MEGF10: variants seen among roughly 807,000 people sequenced by gnomAD.
MEGF10 encodes the protein multiple epidermal growth factor-like domains protein 10.
MEGF10 carries 86 observed loss-of-function variants against 147.5 expected under a neutral mutation model. The ratio of observed to expected loss-of-function variants is 0.58; its 90% CI spans 0.49 to 0.70. The LOEUF (loss-of-function observed/expected upper bound fraction) is 0.70. Among genes scored for constraint, MEGF10 ranks in the 30% least tolerant of loss-of-function variants. The probability of loss-of-function intolerance (pLI) is 0.00; values close to 1 mark genes in which losing one functional copy is unlikely to be tolerated. For synonymous variants in MEGF10, 478 were observed against 525.5 expected, an observed-to-expected ratio of 0.91 and a Z score of 1.24; for missense variants, 1,329 against 1,487.3, an observed-to-expected ratio of 0.89 and a Z score of 1.75.
chr5:127,301,024 A>G (rs1037650023), intron 1 of MEGF10, among the ~76,000 whole-genome samples: 8 of 152,198 alleles, frequency 5.3e-5, no homozygotes, highest in Non-Finnish European at 1.2e-4. Flanking sequence ...TGGATTATGG[A>G]TGTTTTCCTG....
chr5:127,264,556 T>A, the MEGF10 span, among the ~76,000 whole-genome samples: 6 of 151,998 alleles, frequency 3.9e-5, no homozygotes, highest in African/African-American at 1.5e-4. Context: ...AAAATGGAAC[T>A]CCTTCTCTCT....
At chr5:127,392,090 C>G (rs527719226) in intron 5 of MEGF10, among the ~76,000 whole-genome samples, 1 of 152,158 alleles carries the variant, frequency 6.6e-6, no homozygotes, top group Non-Finnish European at 1.5e-5. Context: ...CATCTTAGAT[C>G]GGTTCTCAAA....
intron 7 of MEGF10, among the ~76,000 whole-genome samples, chr5:127,399,999 CA>C (rs1764063733): frequency 6.6e-6 from 1 of 152,194 alleles, no homozygotes; most frequent in Non-Finnish European, 1.5e-5. Context: ...TCTCTTTGGG[CA>C]ATGCCCAAGC....
At chr5:127,317,459 A>C (rs896205409) in intron 1 of MEGF10, among the ~76,000 whole-genome samples, 1 of 152,204 alleles carries the variant, frequency 6.6e-6, no homozygotes, top group African/African-American at 2.4e-5. Flanking sequence ...TTTAGGTCTA[A>C]CATTTAATCC....
At chr5:127,416,094 C>T (rs1214243580) in intron 9 of MEGF10, among the ~76,000 whole-genome samples, 1 of 151,600 alleles carries the variant, frequency 6.6e-6, no homozygotes, top group African/African-American at 2.4e-5. Context: ...GTGGCGTGAT[C>T]TTGGCTCACT....
At chr5:127,322,483 T>G (rs960721951) in intron 1 of MEGF10, among the ~76,000 whole-genome samples, 4 of 152,212 alleles carry the variant, frequency 2.6e-5, no homozygotes, top group African/African-American at 9.6e-5. Flanking sequence ...CCCCATTCAC[T>G]GGTTGTAAGT....
chr5:127,337,054 C>T (rs914102909), intron 2 of MEGF10, among the ~76,000 whole-genome samples: 11 of 152,016 alleles, frequency 7.2e-5, no homozygotes, highest in South Asian at 2.1e-4. Flanking sequence ...TGAGTTTATT[C>T]GGGCGCAAAA....
chr5:127,293,409 A>G (rs775366158), intron 1 of MEGF10, among the ~76,000 whole-genome samples: 1 of 152,232 alleles, frequency 6.6e-6, no homozygotes, highest in Non-Finnish European at 1.5e-5. Flanking sequence ...AGAGTGAACT[A>G]TGAGAAATTG....
chr5:127,283,610 C>T, the MEGF10 span, among the ~76,000 whole-genome samples: 1 of 152,192 alleles, frequency 6.6e-6, no homozygotes, highest in Non-Finnish European at 1.5e-5. Context: ...TAGAACTTTG[C>T]TTCTCAAAGT....
At chr5:127,311,985 G>T (rs1760307161) in intron 1 of MEGF10, among the ~76,000 whole-genome samples, 1 of 152,140 alleles carries the variant, frequency 6.6e-6, no homozygotes, top group Non-Finnish European at 1.5e-5. Context: ...AATTACCGCA[G>T]GAGCTAGGAA....
intron 2 of MEGF10, among the ~76,000 whole-genome samples, chr5:127,336,660 A>G (rs1344337772): frequency 6.6e-6 from 1 of 152,154 alleles, no homozygotes; most frequent in Non-Finnish European, 1.5e-5. Flanking sequence ...TCCAAGGCAC[A>G]CGGACTTGAA....
the MEGF10 span, among the ~76,000 whole-genome samples, chr5:127,278,474 G>C: frequency 2.9e-4 from 44 of 152,172 alleles, no homozygotes; most frequent in Middle Eastern, 3.2e-3. Flanking sequence ...AGCTGTAGGA[G>C]GAGAACCAAA....
At chr5:127,388,951 C>T (rs978796568) in intron 5 of MEGF10, among the ~76,000 whole-genome samples, 1 of 152,178 alleles carries the variant, frequency 6.6e-6, no homozygotes, top group African/African-American at 2.4e-5. Flanking sequence ...AAGCCTTACT[C>T]AGTGAATCAT....
At chr5:127,271,165 T>A in the MEGF10 span, among the ~76,000 whole-genome samples, 1 of 152,216 alleles carries the variant, frequency 6.6e-6, no homozygotes, top group Non-Finnish European at 1.5e-5. Context: ...TTGAACTAAT[T>A]TACACTCCTA....
chr5:127,299,797 AGGGAAAGCCTTTTCTGGACGTGAT>A (rs1336590719), intron 1 of MEGF10, among the ~76,000 whole-genome samples: 3 of 151,534 alleles, frequency 2.0e-5, no homozygotes, highest in African/African-American at 7.3e-5. Flanking sequence ...GAGGCAGAAC[AGGGAAAGCCTTTTCTGGACGTGAT>A]GGGTTCTGGA....
In MEGF10 at chr5:127,421,988, C is replaced by CAA. The variant is rs34631374; in HGVS notation, c.1591-663_1591-662dup. Among the ~76,000 whole-genome samples the CAA allele has an allele frequency of 1.5e-3, 94 of 61,110 alleles. 3 individuals are homozygous for CAA. The highest frequency in any genetic ancestry group is 4.2e-3 in the African/African-American group (78 of 18,650). 40.1% of individuals were successfully genotyped at this position (61,110 alleles called of 152,430 possible). On this transcript the variant is annotated intron_variant, in intron 12 of 24. Transcript: ENST00000503335. Reference sequence around the variant, plus strand: ...TGGGTGAAAGAGTGAGACTCCGTCTCAAAAAAAAAAAAAAAAAAAATGACC... The same window carrying CAA: ...TGGGTGAAAGAGTGAGACTCCGTCTCAAAAAAAAAAAAAAAAAAAAAATGACC...
the MEGF10 span, among the ~76,000 whole-genome samples, chr5:127,235,437 T>C: frequency 1.3e-5 from 2 of 152,240 alleles, no homozygotes; most frequent in Non-Finnish European, 2.9e-5. Flanking sequence ...CTGAATATTC[T>C]CAAATGTGTC....
intron 1 of MEGF10, among the ~76,000 whole-genome samples, chr5:127,323,856 CAGCTGTT>C (rs762494838): frequency 1.7e-4 from 26 of 152,168 alleles, no homozygotes; most frequent in Admixed American, 3.3e-4. Context: ...ATCACTCACA[CAGCTGTT>C]AGCAGGAGGC....
At chr5:127,404,344 C>T (rs1025694406) in intron 8 of MEGF10, among the ~76,000 whole-genome samples, 4 of 144,178 alleles carry the variant, frequency 2.8e-5, no homozygotes, top group Non-Finnish European at 6.1e-5. Flanking sequence ...TGTTTGAGCT[C>T]CTTATATATG....
Sources: allele counts gnomAD v4.1 joint callset (sites outside exome capture counted in the v4.1 genomes callset), GRCh38; gene constraint gnomAD v4.1.1; transcripts MANE v1.5; gene names NCBI Gene and HGNC (gene_info 2026-07-23, HGNC 2026-07-21).